ENTREP2: variants seen among roughly 807,000 people sequenced by gnomAD.
The protein encoded by ENTREP2 is endosomal transmembrane epsin interactor 2.
At chr15:29,135,224 C>T in the ENTREP2 span, among the ~76,000 whole-genome samples, 3 of 152,126 alleles carry the variant, frequency 2.0e-5, no homozygotes, top group Non-Finnish European at 4.4e-5. The surrounding 1 kb of genome is among the most constrained non-coding windows in gnomAD (Gnocchi z 7.4). Context: ...CCTCCAGGAC[C>T]TCCTTGGCCA....
chr15:29,195,691 A>G, the ENTREP2 span, among the ~76,000 whole-genome samples: 1 of 151,758 alleles, frequency 6.6e-6, no homozygotes, highest in Non-Finnish European at 1.5e-5. Context: ...CACCTGGCTA[A>G]TTTTTGTATT....
the ENTREP2 span, among the ~76,000 whole-genome samples, chr15:29,565,067 G>C: frequency 6.6e-6 from 1 of 152,082 alleles, no homozygotes; most frequent in African/African-American, 2.4e-5. Flanking sequence ...TCCCAAAATT[G>C]ATGCACTATA....
At chr15:29,127,683 T>G in the ENTREP2 span, among the ~76,000 whole-genome samples, 2 of 152,040 alleles carry the variant, frequency 1.3e-5, no homozygotes, top group Non-Finnish European at 2.9e-5. Context: ...AGCTGTAGAG[T>G]TCACCGCCCA....
chr15:29,540,556 C>G, the ENTREP2 span, among the ~76,000 whole-genome samples: 1 of 152,204 alleles, frequency 6.6e-6, no homozygotes, highest in Non-Finnish European at 1.5e-5. Flanking sequence ...CACGCCGAGA[C>G]AGGTAGACAT....
chr15:29,250,136 A>C, the ENTREP2 span, among the ~76,000 whole-genome samples: 2 of 152,160 alleles, frequency 1.3e-5, no homozygotes, highest in Non-Finnish European at 2.9e-5. Context: ...TAGGAAAGGG[A>C]AGCAAGGCCG....
chr15:29,447,237 A>C, the ENTREP2 span, among the ~76,000 whole-genome samples: 2 of 152,246 alleles, frequency 1.3e-5, no homozygotes, highest in Non-Finnish European at 2.9e-5. Flanking sequence ...CAACCTTTAA[A>C]GCACAATGAA....
chr15:29,223,349 C>T, the ENTREP2 span, among the ~76,000 whole-genome samples: 2 of 152,122 alleles, frequency 1.3e-5, no homozygotes, highest in East Asian at 1.9e-4. Flanking sequence ...GCTTGGCTCC[C>T]GGCAGCCTCT....
chr15:29,140,018 G>A, the ENTREP2 span, among the ~76,000 whole-genome samples: 3 of 152,194 alleles, frequency 2.0e-5, no homozygotes, highest in East Asian at 5.8e-4. Flanking sequence ...GCCGGCCTGC[G>A]GGGCGAGGAG....
chr15:29,557,279 C>G, the ENTREP2 span, among the ~76,000 whole-genome samples: 1 of 152,240 alleles, frequency 6.6e-6, no homozygotes, highest in Admixed American at 6.5e-5. Flanking sequence ...AGATCAATAC[C>G]ACCTTAGGTG....
chr15:29,164,158 A>G, the ENTREP2 span, among the ~76,000 whole-genome samples: 1 of 152,256 alleles, frequency 6.6e-6, no homozygotes, highest in Non-Finnish European at 1.5e-5. Context: ...AAGAACTGCT[A>G]AAAGGAGCTC....
At chr15:29,136,950 T>C in the ENTREP2 span, 5 of 1,168,076 alleles carry the variant, frequency 4.3e-6, no homozygotes, top group East Asian at 1.6e-4. Flanking sequence ...CCGCCATGCC[T>C]GCAGGACCAC....
At chr15:29,630,203 T>C in the ENTREP2 span, among the ~76,000 whole-genome samples, 3 of 152,190 alleles carry the variant, frequency 2.0e-5, no homozygotes, top group African/African-American at 4.8e-5. Context: ...CGAATGTCTT[T>C]ATCCTTCAGA....
At chr15:29,237,106 C>G in the ENTREP2 span, among the ~76,000 whole-genome samples, 1 of 152,034 alleles carries the variant, frequency 6.6e-6, no homozygotes, top group Non-Finnish European at 1.5e-5. Context: ...GATCAACAAG[C>G]CAAAGAAGAA....
At chr15:29,447,352 T>TA in the ENTREP2 span, among the ~76,000 whole-genome samples, 1 of 152,204 alleles carries the variant, frequency 6.6e-6, no homozygotes. Flanking sequence ...CCTTTACTCA[T>TA]AAAAAACAGA....
chr15:29,402,265 T>TATATATATATATATATATATACACAC, the ENTREP2 span, among the ~76,000 whole-genome samples: 3 of 137,854 alleles, frequency 2.2e-5, no homozygotes, highest in African/African-American at 7.9e-5. Flanking sequence ...TATATATATA[T>TATATATATATATATATATATACACAC]ACACACACAT....
chr15:29,238,505 C>T, the ENTREP2 span, among the ~76,000 whole-genome samples: 117 of 152,022 alleles, frequency 7.7e-4, no homozygotes, highest in African/African-American at 2.5e-3. Context: ...CTTGGTGGGA[C>T]GTGCCTGTAG....
chr15:29,131,957 G>C, the ENTREP2 span, among the ~76,000 whole-genome samples: 5 of 32,462 alleles, frequency 1.5e-4, no homozygotes, highest in African/African-American at 4.4e-4. Flanking sequence ...AAGCCGGAAG[G>C]GAAGTGTGCA....
chr15:29,644,624 GAA>G, the ENTREP2 span, among the ~76,000 whole-genome samples: 1 of 151,760 alleles, frequency 6.6e-6, no homozygotes, highest in Non-Finnish European at 1.5e-5. Context: ...GCAACATGGT[GAA>G]ACCCCGTCTC....
chr15:29,151,894 A>G, the ENTREP2 span: 1 of 1,380,260 alleles, frequency 7.2e-7, no homozygotes, highest in Non-Finnish European at 1.0e-6. Flanking sequence ...TAGATAGCAG[A>G]ATCCTTAGCC....
Sources: gnomAD v4.1 joint callset for allele counts (sites outside exome capture counted in the v4.1 genomes callset) on GRCh38, gnomAD v4.1.1 for gene constraint, Gnocchi (gnomAD v3.1) non-coding constraint, MANE v1.5 for transcripts, NCBI Gene and HGNC (gene_info 2026-07-23, HGNC 2026-07-21) for gene names.